The following SCAI variants were observed in gnomAD, a reference collection of about 807,000 sequenced individuals.
SCAI encodes the protein suppressor of cancer cell invasion, also known as protein SCAI.
A neutral mutation model predicts 92.2 loss-of-function variants in SCAI; 24 were observed. The ratio of observed to expected loss-of-function variants is 0.26; its 90% confidence interval spans 0.19 to 0.37. The LOEUF (loss-of-function observed/expected upper bound fraction) is 0.37, where lower values mean the gene tolerates loss of function less well. Ranked by LOEUF, SCAI falls within the 10% of genes least tolerant of loss-of-function variation. The pLI is 1.00. For synonymous variants in SCAI, 261 were observed against 258.6 expected (o/e 1.01, Z -0.09); for missense variants, 450 against 736.2 (o/e 0.61, Z 4.50).
At chr9:125,036,938 T>C (rs75065269) in intron 3 of SCAI, among the ~76,000 whole-genome samples, 4,455 of 152,236 alleles carry the variant, frequency 0.029, 84 homozygotes, top group Non-Finnish European at 0.039. Context: ...CTGGGAAACA[T>C]GGAGAGACCT....
At chr9:124,957,366 CA>C (rs1044488954) in intron 17 of SCAI, among the ~76,000 whole-genome samples, 2 of 151,444 alleles carry the variant, frequency 1.3e-5, no homozygotes, top group Non-Finnish European at 2.9e-5. Flanking sequence ...AAAAATAATT[CA>C]ATTTTTTTTT....
intron 9 of SCAI, among the ~76,000 whole-genome samples, chr9:125,006,723 C>T (rs1156733415): frequency 6.6e-6 from 1 of 152,164 alleles, no homozygotes; most frequent in Non-Finnish European, 1.5e-5. Flanking sequence ...AACTCCTGAC[C>T]TCGTAATCTG....
intron 9 of SCAI, among the ~76,000 whole-genome samples, chr9:125,013,283 C>T (rs913074950): frequency 1.3e-5 from 2 of 151,788 alleles, no homozygotes; most frequent in African/African-American, 4.8e-5. Flanking sequence ...AGACTGCTAG[C>T]AAGACTAATA....
Position 124,943,209 on chromosome 9 carries a change from G to A in SCAI, c.*9598C>T, listed in dbSNP as rs1428425983. ...ATGTTCAAGTCAAATGATAGTGACA[G>A]TATAATTTTCCCCTTAGTCATTGGT... is the stretch of plus-strand genomic sequence containing the variant. On this transcript the variant is annotated 3_prime_UTR_variant, in exon 18 of 18. Transcript: ENST00000336505. 1.3e-5 allele frequency: 2 copies of A among 152,172 alleles called. No homozygotes were observed. Among genetic ancestry groups the A allele is most frequent in the Admixed American group, 1.3e-4 (2 of 15,288 alleles). 9.4% of individuals were successfully genotyped at this position (152,172 alleles called of 1,614,324 possible). A position where few individuals can be genotyped will look rare whatever the true frequency, so the allele number is the denominator to read the frequency against.
At position 125,024,996 on chromosome 9, in the gene SCAI, C is replaced by T. The variant is rs531464399; in HGVS notation, c.512+1816G>A. ...AGCTGTCAAGACAGTGCAGAGAGAACTTGTTCCTTTTGAGGAGTGAAGATT... is the reference window on the plus strand; with the variant it reads ...AGCTGTCAAGACAGTGCAGAGAGAATTTGTTCCTTTTGAGGAGTGAAGATT... On this transcript the variant is annotated intron_variant, in intron 6 of 17. Transcript: ENST00000336505. Among the ~76,000 whole-genome samples, 120 of 152,212 alleles carry T rather than the reference C, an allele frequency of 7.9e-4. 1 individual carries two copies. Among genetic ancestry groups the T allele is most frequent in the Non-Finnish European group, 1.4e-3 (98 of 68,028 alleles).
chr9:125,064,178 T>C (rs1203539716), intron 2 of SCAI, among the ~76,000 whole-genome samples: 1 of 152,116 alleles, frequency 6.6e-6, no homozygotes, highest in Non-Finnish European at 1.5e-5. Context: ...TTTTAGAACA[T>C]ATCCCTCAGT....
At chr9:125,042,615 A>ATGTATGTGTGTGTGTG (rs1833339205) in intron 3 of SCAI, among the ~76,000 whole-genome samples, 2 of 105,208 alleles carry the variant, frequency 1.9e-5, no homozygotes, top group East Asian at 3.0e-4. Flanking sequence ...CCACCAGAGT[A>ATGTATGTGTGTGTGTG]TGTGTGTGTG....
intron 17 of SCAI, chr9:124,968,434 G>T (rs77711829): frequency 1.4e-5 from 15 of 1,080,544 alleles, no homozygotes; most frequent in Non-Finnish European, 1.9e-5. Flanking sequence ...CAGTCATAAC[G>T]CTTGAGTCCA....
rs1410910303 is a variant in SCAI at position 125,032,186 on chromosome 9, TATA to T, written c.231-2450_231-2448del. Among the ~76,000 whole-genome samples, 281 of 81,904 alleles carry T rather than the reference TATA, an allele frequency of 3.4e-3. 7 individuals carry two copies. The highest frequency in any genetic ancestry group is 0.014 in the African/African-American group (273 of 19,876). The allele number at this position is 81,904 out of a possible 152,430, so 53.7% of individuals were successfully genotyped here. ...AGTAAAATGAATATATATATATATA[TATA>T]TATATATTTTTTTTTTTTTTTGAGA... On this transcript the variant is annotated intron_variant, in intron 3 of 17. Transcript: ENST00000336505.
intron 9 of SCAI, among the ~76,000 whole-genome samples, chr9:125,010,484 T>C (rs1588149913): frequency 6.6e-6 from 1 of 151,988 alleles, no homozygotes; most frequent in East Asian, 1.9e-4. Flanking sequence ...GGGGGAGGGG[T>C]ACCCGCCATT....
Position 124,963,705 on chromosome 9 carries a change from G to A in SCAI, c.1674+7665C>T, listed in dbSNP as rs530813749. On this transcript the variant is annotated intron_variant, in intron 17 of 17. Transcript: ENST00000336505. ...GTGCAGGTTGCAGTGAGCTGAGATC[G>A]CGCCACTGTGCTCCAGCCTTCCAAC... Among the ~76,000 whole-genome samples the A allele has an allele frequency of 7.3e-5, 10 of 137,226 alleles. No homozygotes were observed. The South Asian group carries it at 1.4e-3, about 19-fold the overall frequency. The allele number at this position is 137,226 out of a possible 152,430, so 90.0% of individuals were successfully genotyped here. A position where few individuals can be genotyped will look rare whatever the true frequency, so the allele number is the denominator to read the frequency against.
At chr9:125,044,853 C>T (rs577388708) in intron 3 of SCAI, among the ~76,000 whole-genome samples, 37 of 152,294 alleles carry the variant, frequency 2.4e-4, no homozygotes, top group African/African-American at 8.2e-4. Context: ...ATGTTCCCCT[C>T]GTCCAGATGT....
chr9:125,009,164 A>G (rs1832576541), intron 9 of SCAI, among the ~76,000 whole-genome samples: 1 of 152,164 alleles, frequency 6.6e-6, no homozygotes, highest in Non-Finnish European at 1.5e-5. Flanking sequence ...AATATAAAAT[A>G]TAAAATATTA....
At chr9:125,068,453 G>C (rs1274026943) in intron 2 of SCAI, among the ~76,000 whole-genome samples, 1 of 152,070 alleles carries the variant, frequency 6.6e-6, no homozygotes, top group African/African-American at 2.4e-5. Context: ...TGAGCTGACT[G>C]AGCCACCACA....
chr9:125,009,614 T>C (rs758354068), intron 9 of SCAI, among the ~76,000 whole-genome samples: 2 of 151,950 alleles, frequency 1.3e-5, no homozygotes, highest in Non-Finnish European at 2.9e-5. Flanking sequence ...AAAAAGAGCA[T>C]AGTGGCTCAC....
intron 2 of SCAI, among the ~76,000 whole-genome samples, chr9:125,071,746 A>C (rs1156586689): frequency 6.6e-6 from 1 of 152,220 alleles, no homozygotes; most frequent in East Asian, 1.9e-4. Flanking sequence ...GGCAGGAAAA[A>C]AAAAGAACAC....
intron 9 of SCAI, among the ~76,000 whole-genome samples, chr9:125,010,931 G>A (rs1274694832): frequency 6.6e-6 from 1 of 152,204 alleles, no homozygotes; most frequent in African/African-American, 2.4e-5. Context: ...AGGGTCTGGA[G>A]TGGACCTCTA....
rs559080621 is a variant in SCAI at position 125,007,669 on chromosome 9, T to A, written c.862-4099A>T. ...TGTCTCTAAAAAGAAAAAAAAAAAA[T>A]TTTTTTTAAGACAGGGTCTGCTTCT... On this transcript the variant is annotated intron_variant, in intron 9 of 17. Transcript: ENST00000336505. 2.4e-3 allele frequency among the ~76,000 whole-genome samples: 367 copies of A among 150,222 alleles called. 3 individuals carry two copies. The highest frequency in any genetic ancestry group is 7.3e-3 in the African/African-American group (298 of 40,946).
chr9:125,078,972 T>G (rs2131177000), intron 2 of SCAI, among the ~76,000 whole-genome samples: 1 of 152,302 alleles, frequency 6.6e-6, no homozygotes, highest in Admixed American at 6.5e-5. Context: ...GTTTCCTCTA[T>G]TTTCGTATAT....
Sources: gnomAD v4.1 joint callset for allele counts (sites outside exome capture counted in the v4.1 genomes callset) on GRCh38, gnomAD v4.1.1 for gene constraint, MANE v1.5 for transcripts, NCBI Gene and HGNC (gene_info 2026-07-23, HGNC 2026-07-21) for gene names.